Variants in MGAT5 observed in about 807,000 individuals in gnomAD.
The protein encoded by MGAT5 is alpha-1,6-mannosylglycoprotein 6-beta-N-acetylglucosaminyltransferase.
MGAT5 carries 30 observed loss-of-function variants against 94.3 expected under a neutral mutation model. That is an observed-to-expected ratio of 0.32 (90% CI 0.24 to 0.43). The LOEUF is 0.43. MGAT5 is among the 20% of genes least tolerant of loss of function. MGAT5 has a pLI of 1.00. For synonymous variants in MGAT5, 310 were observed against 322.9 expected (o/e 0.96, Z 0.43); for missense variants, 691 against 905.5 (o/e 0.76, Z 3.04).
At chr2:134,136,699 G>A (rs1400111662) in intron 1 of MGAT5, among the ~76,000 whole-genome samples, 2 of 152,188 alleles carry the variant, frequency 1.3e-5, no homozygotes, top group East Asian at 3.8e-4. Context: ...CTGAGAAGGA[G>A]TCCATAGGCT....
intron 4 of MGAT5, among the ~76,000 whole-genome samples, chr2:134,326,053 T>TCTC (rs1553446921): frequency 0.23 from 16,343 of 70,164 alleles, 995 homozygotes; most frequent in East Asian, 0.41. Context: ...TCTCTCTCTC[T>TCTC]TTTTTTTTTT....
At chr2:134,257,552 AGT>A (rs1424507524) in intron 1 of MGAT5, among the ~76,000 whole-genome samples, 1 of 152,188 alleles carries the variant, frequency 6.6e-6, no homozygotes, top group Non-Finnish European at 1.5e-5. Context: ...TTGAAAGCCT[AGT>A]GTTCCCCCTG....
At chr2:134,367,651 A>G (rs1452121326) in intron 10 of MGAT5, among the ~76,000 whole-genome samples, 1 of 152,242 alleles carries the variant, frequency 6.6e-6, no homozygotes, top group Admixed American at 6.5e-5. Flanking sequence ...AGTCCCTGGC[A>G]TTGATCTCAT....
intron 9 of MGAT5, among the ~76,000 whole-genome samples, chr2:134,353,759 A>G (rs1426603171): frequency 6.6e-6 from 1 of 152,212 alleles, no homozygotes; most frequent in Non-Finnish European, 1.5e-5. Flanking sequence ...TCCATCAAGT[A>G]ACAGGTTGAT....
chr2:134,293,567 C>A (rs1012474144), intron 2 of MGAT5, among the ~76,000 whole-genome samples: 1 of 152,116 alleles, frequency 6.6e-6, no homozygotes, highest in African/African-American at 2.4e-5. Flanking sequence ...CCACCAGGCT[C>A]AAGTGATCCT....
At chr2:134,329,817 C>G (rs144980354) in intron 4 of MGAT5, among the ~76,000 whole-genome samples, 5 of 152,082 alleles carry the variant, frequency 3.3e-5, no homozygotes, top group African/African-American at 1.2e-4. Context: ...GATAAGGAGT[C>G]GGACCAAAAT....
At chr2:134,420,246 G>A (rs910363644) in intron 12 of MGAT5, among the ~76,000 whole-genome samples, 3 of 152,166 alleles carry the variant, frequency 2.0e-5, no homozygotes, top group Non-Finnish European at 4.4e-5. Flanking sequence ...GTTTGTGCAG[G>A]TGATTAGCAG....
At position 134,254,232 on chromosome 2, in the gene MGAT5, C is replaced by T. The variant is rs1682794515; in HGVS notation, c.-172C>T. ...TTATTTTGCTGTATTGTGCCATGAC[C>T]ACTTGGCTAATTCTTCTCCTCCTTC... On this transcript the variant is annotated 5_prime_UTR_variant, in exon 1 of 16. Coordinates refer to ENST00000281923, the MANE Select transcript of MGAT5 (RefSeq NM_002410.5). 2.8e-6 allele frequency: 2 copies of T among 706,424 alleles called. No homozygotes were observed. The highest frequency in any genetic ancestry group is 4.7e-6 in the Non-Finnish European group (2 of 429,416). The allele number at this position is 706,424 out of a possible 1,614,324, so 43.8% of individuals were successfully genotyped here.
rs531792234 is a variant in MGAT5, at chr2:134,328,178, G to A, written c.574-8039G>A. Among the ~76,000 whole-genome samples the A allele has an allele frequency of 1.5e-3, 228 of 152,140 alleles. 1 individual carries two copies. Among genetic ancestry groups the A allele is most frequent in the African/African-American group, 5.2e-3 (218 of 41,528 alleles). On this transcript the variant is annotated intron_variant, in intron 4 of 15. Coordinates refer to ENST00000281923, the MANE Select transcript of MGAT5 (RefSeq NM_002410.5). ...CTCTTGTTAGAACCCCACTGGTTTT[G>A]TGGCACACTGAACACTTACTACAAC...
At chr2:134,342,509 C>T (rs1053171252) in intron 7 of MGAT5, among the ~76,000 whole-genome samples, 22 of 152,032 alleles carry the variant, frequency 1.4e-4, no homozygotes, top group African/African-American at 5.1e-4. Context: ...CCCAGCACTT[C>T]GGGAGGCCAA....
chr2:134,274,888 A>G (rs960657428), intron 2 of MGAT5, among the ~76,000 whole-genome samples: 2 of 152,194 alleles, frequency 1.3e-5, no homozygotes, highest in African/African-American at 4.8e-5. Context: ...AGTGCAATGT[A>G]TTTGAATTTG....
chr2:134,251,796 A>C (rs548836439), upstream of MGAT5, among the ~76,000 whole-genome samples: 1 of 152,162 alleles, frequency 6.6e-6, no homozygotes, highest in Non-Finnish European at 1.5e-5. Context: ...TTAGAAATAT[A>C]CGTTATTATT....
chr2:134,375,408 A>C (rs1681105424), intron 10 of MGAT5, among the ~76,000 whole-genome samples: 1 of 152,224 alleles, frequency 6.6e-6, no homozygotes, highest in Non-Finnish European at 1.5e-5. Flanking sequence ...TTTCAAGGAA[A>C]GGTTCTGTAC....
chr2:134,228,577 A>G (rs1177067896), intron 1 of MGAT5, among the ~76,000 whole-genome samples: 1 of 152,104 alleles, frequency 6.6e-6, no homozygotes, highest in Non-Finnish European at 1.5e-5. Context: ...TTTCCTTTGC[A>G]GCTGGTACAA....
Position 134,451,053 on chromosome 2 carries a change from C to T in MGAT5, c.*2206C>T, listed in dbSNP as rs1446896217. The T allele has an allele frequency of 6.6e-6, 1 of 152,050 alleles. No individual in the cohort carries two copies. The highest frequency in any genetic ancestry group is 1.5e-5 in the Non-Finnish European group (1 of 68,026). 9.4% of individuals were successfully genotyped at this position (152,050 alleles called of 1,614,324 possible). Reference sequence around the variant, plus strand: ...GCATTGAACACTGAGGATGTCAATGCAAGTATCTGACCAACAGGGGGAGCC... The same window carrying T: ...GCATTGAACACTGAGGATGTCAATGTAAGTATCTGACCAACAGGGGGAGCC... On this transcript the variant is annotated 3_prime_UTR_variant, in exon 16 of 16. Coordinates refer to ENST00000281923, the MANE Select transcript of MGAT5 (RefSeq NM_002410.5).
intron 9 of MGAT5, among the ~76,000 whole-genome samples, chr2:134,360,346 A>G (rs1301606202): frequency 2.0e-5 from 3 of 152,142 alleles, no homozygotes; most frequent in East Asian, 3.9e-4. Flanking sequence ...AATATGTTAC[A>G]TATATGTATT....
intron 15 of MGAT5, among the ~76,000 whole-genome samples, chr2:134,443,184 TTTG>T (rs143511892): frequency 0.68 from 101,993 of 150,402 alleles, 34,717 homozygotes; most frequent in Middle Eastern, 0.81. Context: ...TATGTTTTTT[TTTG>T]TTGTTGTTGT....
chr2:134,313,711 C>G (rs1372815814), intron 2 of MGAT5, among the ~76,000 whole-genome samples: 2 of 151,866 alleles, frequency 1.3e-5, no homozygotes, highest in South Asian at 2.1e-4. Flanking sequence ...CTTTTTATGC[C>G]CTCACTTTTT....
chr2:134,318,762 T>C (rs767924225), intron 4 of MGAT5, 23 bp downstream of exon 4: 5 of 1,525,788 alleles, frequency 3.3e-6, no homozygotes, highest in Non-Finnish European at 4.5e-6. Flanking sequence ...CTGTGGCTCC[T>C]GGGGGTAGAT....
Sources: gnomAD v4.1 joint callset for allele counts (sites outside exome capture counted in the v4.1 genomes callset) on GRCh38, gnomAD v4.1.1 for gene constraint, MANE v1.5 for transcripts, NCBI Gene and HGNC (gene_info 2026-07-23, HGNC 2026-07-21) for gene names.